The following BRSK1 variants were observed in gnomAD, a reference collection of about 807,000 sequenced individuals.
The protein encoded by BRSK1 is BR serine/threonine kinase 1, also known as serine/threonine-protein kinase BRSK1.
BRSK1 carries 17 observed loss-of-function variants against 86.2 expected under a neutral mutation model. The observed-to-expected ratio is 0.20, with a 90% CI of 0.14 to 0.30. BRSK1 has a LOEUF of 0.30. Ranked by LOEUF, BRSK1 falls within the 10% of genes least tolerant of loss-of-function variation. BRSK1 has a pLI of 1.00. For synonymous variants in BRSK1, 464 were observed against 440.1 expected (o/e 1.05, Z -0.68); for missense variants, 719 against 1,071.9 (o/e 0.67, Z 4.60).
At chr19:55,299,069 T>A (rs1221704719) in intron 7 of BRSK1, among the ~76,000 whole-genome samples, 2 of 152,054 alleles carry the variant, frequency 1.3e-5, no homozygotes, top group Non-Finnish European at 2.9e-5. Flanking sequence ...GGCAGGAGAA[T>A]CGCTTGAACC....
chr19:55,286,691 A>G (rs550550658), intron 1 of BRSK1, among the ~76,000 whole-genome samples: 1 of 150,984 alleles, frequency 6.6e-6, no homozygotes, highest in Non-Finnish European at 1.5e-5. Flanking sequence ...ACTCGGGGAG[A>G]CACGGTGAGG....
Position 55,302,701 on chromosome 19 carries a change from G to A in BRSK1, c.862G>A (p.Gly288Arg). The A allele has an allele frequency of 1.9e-6, 3 of 1,603,620 alleles. No homozygotes were observed. Among genetic ancestry groups the A allele is most frequent in the Non-Finnish European group, 2.6e-6 (3 of 1,172,756 alleles). ...AATGTTTCTCCACTTCCCCAGAGGC[G>A]GGAAACACGAGCCAGACCCGTGCCT... ...QIQKHPWYLGGKHEPDPCLEP... is the reference protein window; with the variant it reads ...QIQKHPWYLGRKHEPDPCLEP... The change falls in exon 10 of 19, where the codon GGG (glycine) becomes AGG (arginine). Residue 288 changes from glycine (G) to arginine (R), a missense_variant. Around this residue, in one of 6 missense-constraint regions of BRSK1, gnomAD observed 75 missense variants for 281.0 expected, o/e 0.27. Coordinates refer to ENST00000309383, the MANE Select transcript of BRSK1 (RefSeq NM_032430.2). The surrounding 1 kb of genome is among the most constrained non-coding windows in gnomAD (Gnocchi z 6.3).
At chr19:55,301,833 G>C (rs555657390) in intron 8 of BRSK1, among the ~76,000 whole-genome samples, 175 bp downstream of exon 8, 1 of 151,648 alleles carries the variant, frequency 6.6e-6, no homozygotes, top group African/African-American at 2.4e-5. Context: ...AAACTGGGGA[G>C]GGGGCTACGC....
At position 55,303,919 on chromosome 19, in the gene BRSK1, C is replaced by T; in HGVS notation, c.1286+93C>T. The T allele has an allele frequency of 2.0e-6, 3 of 1,522,170 alleles. No homozygotes were observed. The highest frequency in any genetic ancestry group is 2.6e-6 in the Non-Finnish European group (3 of 1,133,040). The allele number at this position is 1,522,170 out of a possible 1,614,324, so 94.3% of individuals were successfully genotyped here. On this transcript the variant is annotated intron_variant, in intron 12 of 18. Transcript: ENST00000309383. The surrounding 1 kb of genome is among the most constrained non-coding windows in gnomAD (Gnocchi z 5.1). The stretch of plus-strand genomic sequence containing the variant: ...AGCTCTACCTCAAATGTGCTGTGTC[C>T]TTGGGACAATTCACCTCCCCTCTCT...
At position 55,303,266 on chromosome 19, in the gene BRSK1, C is replaced by G. The variant is rs1355985653; in HGVS notation, c.1029-45C>G. ...TCCTCTGAGCATTGATGTTGGACCT[C>G]AGCCCTCTGCTACCTCTTTCCACCT... On this transcript the variant is annotated intron_variant, in intron 10 of 18. Coordinates refer to ENST00000309383, the MANE Select transcript of BRSK1 (RefSeq NM_032430.2). This position sits in a 1 kb window ranked among gnomAD's most constrained non-coding sequence, Gnocchi z 5.1. The G allele has an allele frequency of 3.4e-6, 5 of 1,479,244 alleles. No individual in the cohort carries two copies. In the South Asian group the frequency reaches 5.7e-5, roughly 17 times the overall value. 91.6% of individuals were successfully genotyped at this position (1,479,244 alleles called of 1,614,324 possible). A position where few individuals can be genotyped will look rare whatever the true frequency, so the allele number is the denominator to read the frequency against.
Position 55,284,347 on chromosome 19 carries a change from C to G in BRSK1, c.-96C>G. On this transcript the variant is annotated 5_prime_UTR_variant, in exon 1 of 19. Coordinates refer to ENST00000309383, the MANE Select transcript of BRSK1 (RefSeq NM_032430.2). ...GAGAGGTGGGGGGCAGCCGGGGGGGCCGGGACGGAGCGGTCGCCGGCCCCC... is the reference window on the plus strand; with the variant it reads ...GAGAGGTGGGGGGCAGCCGGGGGGGGCGGGACGGAGCGGTCGCCGGCCCCC... 3.3e-6 allele frequency: 3 copies of G among 899,800 alleles called. No individual in the cohort carries two copies. The highest frequency in any genetic ancestry group is 4.4e-6 in the Non-Finnish European group (3 of 680,108). The allele number at this position is 899,800 out of a possible 1,614,324, so 55.7% of individuals were successfully genotyped here. A position where few individuals can be genotyped will look rare whatever the true frequency, so the allele number is the denominator to read the frequency against.
At chr19:55,308,290 G>C (rs1233895964) in intron 17 of BRSK1, among the ~76,000 whole-genome samples, 1 of 107,152 alleles carries the variant, frequency 9.3e-6, no homozygotes, top group Admixed American at 8.2e-5. Flanking sequence ...ATTCCAGAGT[G>C]TTGGGATTAC....
At chr19:55,286,190 T>TGG (rs1397608208) in intron 1 of BRSK1, among the ~76,000 whole-genome samples, 2 of 44,142 alleles carry the variant, frequency 4.5e-5, no homozygotes, top group Admixed American at 3.1e-4. Context: ...GAGGAGGGGC[T>TGG]GGGGTCTGGA....
In BRSK1 at chr19:55,304,644, C is replaced by A; in HGVS notation, c.1441C>A (p.Arg481=). The A allele has an allele frequency of 6.6e-7, 1 of 1,524,830 alleles. No homozygotes were observed. The allele number at this position is 1,524,830 out of a possible 1,614,324, so 94.5% of individuals were successfully genotyped here. The change falls in exon 14 of 19, where the codon CGG becomes AGG. Residue 481 remains arginine, a synonymous_variant. Transcript: ENST00000309383. The surrounding 1 kb of genome is among the most constrained non-coding windows in gnomAD (Gnocchi z 5.2). ...TTCCAAAACGCAGACGCTGCCTTCT[C>A]GGGGCCCCAGGGGTGGGGGCGCCGG... ...PTSKTQTLPS[R]GPRGGGAGEQ...
At position 55,294,208 on chromosome 19, in the gene BRSK1, C is replaced by G. The variant is rs2088451181; in HGVS notation, c.576-6C>G. On this transcript the variant is annotated splice_polypyrimidine_tract_variant and splice_region_variant and intron_variant, in intron 5 of 18. Coordinates refer to ENST00000309383, the MANE Select transcript of BRSK1 (RefSeq NM_032430.2). The surrounding 1 kb of genome is among the most constrained non-coding windows in gnomAD (Gnocchi z 4.9). Reference sequence around the variant, plus strand: ...GCTGGAGGCTCACATCAGCTCTCTCCCTCAGGTCCCCCCATTATGCGTGTC... The same window carrying G: ...GCTGGAGGCTCACATCAGCTCTCTCGCTCAGGTCCCCCCATTATGCGTGTC... The G allele has an allele frequency of 1.2e-6, 2 of 1,613,538 alleles. No individual in the cohort carries two copies. The highest frequency in any genetic ancestry group is 1.7e-6 in the Non-Finnish European group (2 of 1,179,672).
chr19:55,297,310 G>A (rs868255545), intron 7 of BRSK1, among the ~76,000 whole-genome samples: 1 of 151,634 alleles, frequency 6.6e-6, no homozygotes, highest in Non-Finnish European at 1.5e-5. Flanking sequence ...CTTGACCTCC[G>A]CCCGCCTCTT....
chr19:55,296,716 C>T (rs925252801), intron 7 of BRSK1, among the ~76,000 whole-genome samples: 20 of 152,142 alleles, frequency 1.3e-4, no homozygotes, highest in African/African-American at 4.3e-4. Flanking sequence ...GGAGTGGTGG[C>T]GGGCGCCTGT....
intron 4 of BRSK1, among the ~76,000 whole-genome samples, chr19:55,292,853 GT>G (rs2088429070): frequency 6.6e-6 from 1 of 150,430 alleles, no homozygotes; most frequent in East Asian, 2.0e-4. Flanking sequence ...AAAAAGGAAA[GT>G]TTCCAAAGCC....
chr19:55,288,097 C>G (rs768685494), intron 3 of BRSK1: 1 of 152,324 alleles, frequency 6.6e-6, no homozygotes, highest in African/African-American at 2.4e-5. Context: ...GGTGCATGGT[C>G]GCTCCCACTC....
Position 55,306,824 on chromosome 19 carries a change from C to A in BRSK1, c.2089+374C>A, listed in dbSNP as rs982945307. Among the ~76,000 whole-genome samples, 15 of 152,124 alleles carry A rather than the reference C, an allele frequency of 9.9e-5. No homozygotes were observed. Among genetic ancestry groups the A allele is most frequent in the African/African-American group, 3.1e-4 (13 of 41,408 alleles). On this transcript the variant is annotated intron_variant, in intron 17 of 18. Transcript: ENST00000309383. The surrounding 1 kb of genome is among the most constrained non-coding windows in gnomAD (Gnocchi z 4.7). ...AGAGCTGCAGCCCAACCCAGGCCTC[C>A]CAACTTCAGAGGAGAGAGCCCAGCT...
rs1189991105 is a variant in BRSK1, at chr19:55,304,123, C to G, written c.1347+13C>G. The G allele has an allele frequency of 1.9e-6, 3 of 1,609,762 alleles. No individual in the cohort carries two copies. The highest frequency in any genetic ancestry group is 1.3e-5 in the African/African-American group (1 of 74,724). The stretch of plus-strand genomic sequence containing the variant: ...AAGCAGCCCAAGGGTAAGGCCAGGT[C>G]CCCAGTGGGATTTAAGAAGGAGAAA... On this transcript the variant is annotated intron_variant, in intron 13 of 18. Coordinates refer to ENST00000309383, the MANE Select transcript of BRSK1 (RefSeq NM_032430.2). The surrounding 1 kb of genome is among the most constrained non-coding windows in gnomAD (Gnocchi z 5.2).
rs753486933 is a variant in BRSK1, at chr19:55,303,705, C to T, written c.1165C>T (p.Arg389Cys). The T allele has an allele frequency of 6.8e-6, 11 of 1,612,340 alleles. No individual in the cohort carries two copies. The highest frequency in any genetic ancestry group is 3.4e-5 in the Admixed American group (2 of 59,556). Residue 389 changes from arginine (R) to cysteine (C), a missense_variant, in exon 12 of 19, where the codon CGT becomes TGT. Physicochemically the swap from Arg to Cys is radical, Grantham distance 180. Transcript: ENST00000309383. This position sits in a 1 kb window ranked among gnomAD's most constrained non-coding sequence, Gnocchi z 5.1. ...RKRVDSPMLS[R>C]HGKRRPERKS... ...GCGTGTGGATTCTCCCATGCTGAGC[C>T]GTCACGGGAAGCGGCGACCAGAGCG...
In BRSK1 at chr19:55,305,604, C is replaced by A. The variant is rs759157128; in HGVS notation, c.1890+18C>A. 4.3e-6 allele frequency: 7 copies of A among 1,613,596 alleles called. No homozygotes were observed. Among genetic ancestry groups the A allele is most frequent in the African/African-American group, 4.0e-5 (3 of 74,920 alleles). On this transcript the variant is annotated intron_variant, in intron 16 of 18. Transcript: ENST00000309383. ...TTCTGTCGGTGAGGGGCCTGGGTCC[C>A]CATCGAGCCTGGCCCCCGCAGAACT... is the stretch of plus-strand genomic sequence containing the variant.
Position 55,302,177 on chromosome 19 carries a change from G to C in BRSK1, c.857+9G>C. ...AAACATCCTTGGTACCTGTGAGTAT[G>C]GGGTAACTGGACTCTTGGGTCCCTG... On this transcript the variant is annotated intron_variant, in intron 9 of 18. Coordinates refer to ENST00000309383, the MANE Select transcript of BRSK1 (RefSeq NM_032430.2). The surrounding 1 kb of genome is among the most constrained non-coding windows in gnomAD (Gnocchi z 6.3). 1 of 1,614,074 alleles carries C rather than the reference G, an allele frequency of 6.2e-7. No individual in the cohort carries two copies.
Sources: allele counts gnomAD v4.1 joint callset (sites outside exome capture counted in the v4.1 genomes callset), GRCh38; gene constraint gnomAD v4.1.1; regional missense constraint gnomAD v4.1.1; non-coding constraint Gnocchi (gnomAD v3.1); transcripts MANE v1.5; gene names NCBI Gene and HGNC (gene_info 2026-07-23, HGNC 2026-07-21).